RUVBL1: variants seen among roughly 807,000 people sequenced by gnomAD.
RUVBL1 encodes the protein ruvB-like 1.
A neutral mutation model predicts 52.4 loss-of-function variants in RUVBL1; 4 were observed. The ratio of observed to expected loss-of-function variants is 0.08; its 90% confidence interval spans 0.04 to 0.17. The LOEUF (loss-of-function observed/expected upper bound fraction) is 0.17, where lower values mean the gene tolerates loss of function less well. Among genes scored for constraint, RUVBL1 ranks in the 10% least tolerant of loss-of-function variants. RUVBL1 has a pLI of 1.00. For synonymous variants in RUVBL1, 217 were observed against 214.4 expected, an observed-to-expected ratio of 1.01 and a Z score of -0.10; for missense variants, 298 against 572.8, an observed-to-expected ratio of 0.52 and a Z score of 4.90.
downstream of RUVBL1, among the ~76,000 whole-genome samples, chr3:128,077,317 C>T (rs1379110858): frequency 6.6e-6 from 1 of 152,168 alleles, no homozygotes; most frequent in African/African-American, 2.4e-5. Flanking sequence ...GCTCCCCAGC[C>T]CCCCTGCCCA....
chr3:128,119,521 C>A (rs921675667), intron 1 of RUVBL1, 107 bp from the exon 2 acceptor site: 45 of 840,908 alleles, frequency 5.4e-5, no homozygotes, highest in Non-Finnish European at 7.7e-5. Context: ...CCAACTAACA[C>A]TGAGTGCCAG....
At chr3:128,115,847 T>C (rs1455357546) in intron 2 of RUVBL1, among the ~76,000 whole-genome samples, 1 of 152,112 alleles carries the variant, frequency 6.6e-6, no homozygotes, top group Non-Finnish European at 1.5e-5. Context: ...AAACCGGGAC[T>C]GGGCACGGTG....
At chr3:128,131,731 A>C (rs1190625404) in intron 1 of RUVBL1, among the ~76,000 whole-genome samples, 1 of 152,226 alleles carries the variant, frequency 6.6e-6, no homozygotes, top group African/African-American at 2.4e-5. Flanking sequence ...AAAGCCCCAC[A>C]TGATCAACTC....
intron 1 of RUVBL1, among the ~76,000 whole-genome samples, chr3:128,134,498 C>T (rs1943923209): frequency 7.5e-6 from 1 of 133,072 alleles, no homozygotes; most frequent in African/African-American, 2.9e-5. Context: ...TGAAAATACA[C>T]AGAGGTGGCC....
intron 1 of RUVBL1, 100 bp downstream of exon 1, chr3:128,123,484 C>G (rs1011765230): frequency 7.7e-7 from 1 of 1,296,520 alleles, no homozygotes; most frequent in African/African-American, 1.5e-5. Context: ...GGCGGGAGAC[C>G]CCTGGCGCGC....
At chr3:128,136,248 C>T (rs1216964361) in intron 1 of RUVBL1, among the ~76,000 whole-genome samples, 2 of 151,506 alleles carry the variant, frequency 1.3e-5, no homozygotes, top group South Asian at 2.1e-4. Flanking sequence ...CCAAAATGAC[C>T]GTAGTGAGCC....
intron 8 of RUVBL1, among the ~76,000 whole-genome samples, chr3:128,089,196 C>T (rs1446332775): frequency 6.6e-6 from 1 of 152,188 alleles, no homozygotes; most frequent in Admixed American, 6.5e-5. Context: ...CCAATCCCAT[C>T]TTTTGCCTAT....
At chr3:128,078,990 G>A (rs375050686), downstream of RUVBL1, 1 of 152,294 alleles carries the variant, frequency 6.6e-6, no homozygotes, top group Non-Finnish European at 1.5e-5. Flanking sequence ...GGAACCAGGG[G>A]TCTGTGGCCT....
intron 8 of RUVBL1, among the ~76,000 whole-genome samples, chr3:128,092,313 A>G (rs1401053959): frequency 6.6e-6 from 1 of 152,228 alleles, no homozygotes; most frequent in East Asian, 1.9e-4. Flanking sequence ...GTTCTTAGAT[A>G]CGAAACCAGA....
intron 9 of RUVBL1, among the ~76,000 whole-genome samples, chr3:128,074,221 T>G (rs968608116): frequency 3.3e-5 from 5 of 152,194 alleles, no homozygotes; most frequent in African/African-American, 7.2e-5. Flanking sequence ...AATGGATACA[T>G]GTGGTGGATC....
At chr3:128,084,024 G>C (rs1264880960) in intron 9 of RUVBL1, 1 of 152,682 alleles carries the variant, frequency 6.5e-6, no homozygotes, top group East Asian at 1.9e-4. Flanking sequence ...GTTGCAGTGA[G>C]CTGAGATTGG....
At chr3:128,128,585 C>T (rs1218742611), upstream of RUVBL1, among the ~76,000 whole-genome samples, 1 of 152,170 alleles carries the variant, frequency 6.6e-6, no homozygotes, top group Non-Finnish European at 1.5e-5. Flanking sequence ...CATACTTCTT[C>T]CCTTTAACCT....
upstream of RUVBL1, among the ~76,000 whole-genome samples, chr3:128,125,827 A>C (rs1943780875): frequency 6.6e-6 from 1 of 152,246 alleles, no homozygotes; most frequent in African/African-American, 2.4e-5. Flanking sequence ...CTTAGAAAAG[A>C]AGCAATTCCT....
chr3:128,112,353 A>G (rs1184433803), intron 3 of RUVBL1, among the ~76,000 whole-genome samples: 2 of 152,204 alleles, frequency 1.3e-5, no homozygotes, highest in Admixed American at 1.3e-4. Context: ...ATCTCCCCTC[A>G]GAGGAGGGAA....
At chr3:128,119,007 CAGA>C (rs1340842926) in intron 2 of RUVBL1, among the ~76,000 whole-genome samples, 1 of 152,140 alleles carries the variant, frequency 6.6e-6, no homozygotes, top group Non-Finnish European at 1.5e-5. Flanking sequence ...AGATGTCACT[CAGA>C]AGATCTTTAT....
downstream of RUVBL1, chr3:128,078,785 G>A (rs1175596938): frequency 1.1e-4 from 16 of 152,208 alleles, no homozygotes; most frequent in Non-Finnish European, 1.5e-5. Flanking sequence ...CTCATAGTTG[G>A]TGAGGGATCA....
At chr3:128,133,366 T>C (rs1228532122) in intron 1 of RUVBL1, among the ~76,000 whole-genome samples, 2 of 152,192 alleles carry the variant, frequency 1.3e-5, no homozygotes, top group Non-Finnish European at 2.9e-5. Context: ...CACCAGATGC[T>C]GATTTTAGAG....
intron 3 of RUVBL1, among the ~76,000 whole-genome samples, chr3:128,105,356 A>G (rs979285036): frequency 1.5e-4 from 23 of 151,936 alleles, no homozygotes; most frequent in African/African-American, 5.3e-4. Context: ...TCCTGACCTC[A>G]TGATCTACCC....
intron 4 of RUVBL1, among the ~76,000 whole-genome samples, chr3:128,103,527 C>T (rs1943154050): frequency 6.6e-6 from 1 of 152,142 alleles, no homozygotes; most frequent in South Asian, 2.1e-4. Flanking sequence ...ATCAAAGAAC[C>T]ATAAAATCGT....
Sources: allele counts gnomAD v4.1 joint callset (sites outside exome capture counted in the v4.1 genomes callset), GRCh38; gene constraint gnomAD v4.1.1; transcripts MANE v1.5; gene names NCBI Gene and HGNC (gene_info 2026-07-23, HGNC 2026-07-21).